ATXN2: variants seen among roughly 807,000 people sequenced by gnomAD.
ATXN2 encodes ataxin-2.
In ATXN2, 37 loss-of-function variants were observed where a neutral mutation model predicts 138.6. The ratio of observed to expected loss-of-function variants is 0.27; its 90% CI spans 0.21 to 0.35. The LOEUF (loss-of-function observed/expected upper bound fraction) is 0.35, where lower values mean the gene tolerates loss of function less well. ATXN2 is among the 10% of genes least tolerant of loss of function. ATXN2 has a pLI of 1.00. For synonymous variants in ATXN2, 549 were observed against 543.7 expected (o/e 1.01, Z -0.13); for missense variants, 1,216 against 1,480.3 (o/e 0.82, Z 2.93).
intron 1 of ATXN2, among the ~76,000 whole-genome samples, chr12:111,567,796 A>G (rs1010203718): frequency 6.6e-6 from 1 of 152,214 alleles, no homozygotes; most frequent in African/African-American, 2.4e-5. Flanking sequence ...CCTGGGCAAC[A>G]GACTGTCTCA....
chr12:111,597,644 C>A, intron 1 of ATXN2: 1 of 451,544 alleles, frequency 2.2e-6, no homozygotes, highest in Non-Finnish European at 4.4e-6. Flanking sequence ...CCCTCCTGCA[C>A]AAACACACCC....
chr12:111,486,453 C>T (rs1165907217), intron 16 of ATXN2, among the ~76,000 whole-genome samples: 1 of 152,166 alleles, frequency 6.6e-6, no homozygotes, highest in African/African-American at 2.4e-5. Context: ...TTGGTTGAAT[C>T]CAGTGATGCA....
At chr12:111,561,522 T>C (rs1233710612) in intron 1 of ATXN2, among the ~76,000 whole-genome samples, 1 of 151,526 alleles carries the variant, frequency 6.6e-6, no homozygotes, top group Non-Finnish European at 1.5e-5. Context: ...AATCATAAAA[T>C]TAAAATACTA....
chr12:111,453,525 C>T lies in ATXN2; in HGVS notation c.3439+152G>A. The T allele has an allele frequency of 7.2e-7, 1 of 1,387,258 alleles. No individual in the cohort carries two copies. The highest frequency in any genetic ancestry group is 1.7e-5 in the South Asian group (1 of 58,734). 85.9% of individuals were successfully genotyped at this position (1,387,258 alleles called of 1,614,324 possible). ...GGAAGCCTCAGGCCCTGATGCTGAA[C>T]TGATCGTCACAGTCCCTCCTGTGCA... is the stretch of plus-strand genomic sequence containing the variant. On this transcript the variant is annotated intron_variant, in intron 24 of 24. Coordinates refer to ENST00000673436, the MANE Select transcript of ATXN2 (RefSeq NM_001372574.1). This position sits in a 1 kb window ranked among gnomAD's most constrained non-coding sequence, Gnocchi z 5.4.
chr12:111,485,114 GA>G, intron 18 of ATXN2, 150 bp downstream of exon 18: 3 of 624,250 alleles, frequency 4.8e-6, no homozygotes, highest in Admixed American at 4.8e-5. Context: ...AAATCCATGT[GA>G]ATATCTATGT....
At chr12:111,491,433 C>CA (rs1229904827) in intron 14 of ATXN2, among the ~76,000 whole-genome samples, 4 of 152,098 alleles carry the variant, frequency 2.6e-5, no homozygotes, top group Non-Finnish European at 5.9e-5. Flanking sequence ...ACTGAGACAC[C>CA]AGCTAGGGTG....
At chr12:111,560,976 G>A (rs1882650215) in intron 1 of ATXN2, among the ~76,000 whole-genome samples, 1 of 152,176 alleles carries the variant, frequency 6.6e-6, no homozygotes, top group Non-Finnish European at 1.5e-5. Flanking sequence ...TGTAATCCCA[G>A]CACTCCAGGA....
intron 1 of ATXN2, among the ~76,000 whole-genome samples, chr12:111,589,123 T>TG (rs1193630190): frequency 1.4e-5 from 2 of 145,006 alleles, no homozygotes; most frequent in Non-Finnish European, 3.0e-5. Flanking sequence ...GAGACCAGCC[T>TG]GGCCAACATG....
At chr12:111,547,213 G>A (rs1592887756) in intron 5 of ATXN2, among the ~76,000 whole-genome samples, 2 of 152,224 alleles carry the variant, frequency 1.3e-5, no homozygotes, top group East Asian at 1.9e-4. Flanking sequence ...TGGATCATGA[G>A]GTCAGGAATT....
chr12:111,555,866 A>G lies in ATXN2; in HGVS notation c.288+17T>C. ...AGCTACTAATTTTCCCCAATAAGTAACATTAAAGTTACTCACCGTAGACTG... is the reference window on the plus strand; with the variant it reads ...AGCTACTAATTTTCCCCAATAAGTAGCATTAAAGTTACTCACCGTAGACTG... On this transcript the variant is annotated intron_variant, in intron 2 of 24. Coordinates refer to ENST00000673436, the MANE Select transcript of ATXN2 (RefSeq NM_001372574.1). The G allele has an allele frequency of 1.3e-6, 2 of 1,586,838 alleles. No homozygotes were observed. Among genetic ancestry groups the G allele is most frequent in the Non-Finnish European group, 8.6e-7 (1 of 1,167,190 alleles).
intron 5 of ATXN2, among the ~76,000 whole-genome samples, chr12:111,544,916 T>C (rs912390850): frequency 2.0e-5 from 3 of 152,110 alleles, no homozygotes; most frequent in Non-Finnish European, 4.4e-5. Flanking sequence ...TCCCAGCACT[T>C]TGGGAGGCCG....
At chr12:111,456,336 T>C (rs1875094870) in intron 22 of ATXN2, 80 bp from the exon 23 acceptor site, 1 of 1,472,096 alleles carries the variant, frequency 6.8e-7, no homozygotes, top group African/African-American at 1.4e-5. Context: ...AGCTAAGCTT[T>C]GCACACTTGG....
intron 14 of ATXN2, among the ~76,000 whole-genome samples, chr12:111,494,227 G>C (rs1878257196): frequency 6.6e-6 from 1 of 152,040 alleles, no homozygotes; most frequent in African/African-American, 2.4e-5. Context: ...ACTGCGCCTG[G>C]CTTATAACTA....
At chr12:111,510,919 G>T (rs148598154) in intron 11 of ATXN2, 2,208 of 173,652 alleles carry the variant, frequency 0.013, 62 homozygotes, top group African/African-American at 0.05. Context: ...AGTAGAGACG[G>T]GGTTTCACCA....
intron 6 of ATXN2, 44 bp from the exon 7 acceptor site, chr12:111,521,017 G>T: frequency 7.9e-7 from 1 of 1,272,072 alleles, no homozygotes; most frequent in Non-Finnish European, 1.1e-6. Context: ...CAAAGTAGTT[G>T]TTCCCTTTCA....
chr12:111,510,998 G>A lies in ATXN2; in HGVS notation c.1559-416C>T, dbSNP rs576288731. 1.0e-4 allele frequency: 16 copies of A among 156,024 alleles called. No homozygotes were observed. In the South Asian group the frequency reaches 2.7e-3, roughly 27 times the overall value. The allele number at this position is 156,024 out of a possible 1,614,324, so 9.7% of individuals were successfully genotyped here. A position where few individuals can be genotyped will look rare whatever the true frequency, so the allele number is the denominator to read the frequency against. On this transcript the variant is annotated intron_variant, in intron 11 of 24. Coordinates refer to ENST00000673436, the MANE Select transcript of ATXN2 (RefSeq NM_001372574.1). ...CCTACCTTGGCCTCCCAAAGTGCTG[G>A]GATTACAGGCATGAGCCACCATGCC...
At chr12:111,549,118 C>G (rs548586303) in intron 5 of ATXN2, among the ~76,000 whole-genome samples, 5 of 152,210 alleles carry the variant, frequency 3.3e-5, no homozygotes, top group African/African-American at 1.2e-4. Flanking sequence ...GAGCCTCACC[C>G]AGGCTAATTA....
chr12:111,554,059 G>A, intron 3 of ATXN2, 99 bp downstream of exon 3: 1 of 785,118 alleles, frequency 1.3e-6, no homozygotes. Context: ...CATGATCTAA[G>A]CAATGTTACT....
intron 23 of ATXN2, chr12:111,455,537 A>G (rs1028160007): frequency 3.3e-5 from 9 of 271,020 alleles, no homozygotes; most frequent in African/African-American, 2.0e-4. Context: ...GTCAAAGCAG[A>G]TATATGGATA....
Sources: allele counts gnomAD v4.1 joint callset (sites outside exome capture counted in the v4.1 genomes callset), GRCh38; gene constraint gnomAD v4.1.1; non-coding constraint Gnocchi (gnomAD v3.1); transcripts MANE v1.5; gene names NCBI Gene and HGNC (gene_info 2026-07-23, HGNC 2026-07-21).